The following SLC26A8 variants were observed in gnomAD, a reference collection of about 807,000 sequenced individuals.
The protein encoded by SLC26A8 is testis anion transporter 1.
In SLC26A8, 70 loss-of-function variants were observed where a neutral mutation model predicts 105.0. The ratio of observed to expected loss-of-function variants is 0.67; its 90% CI spans 0.55 to 0.81. SLC26A8 has a LOEUF of 0.81. Among genes scored for constraint, SLC26A8 ranks in the 40% least tolerant of loss-of-function variants. The pLI is 0.00. For missense variants in SLC26A8, 998 were observed against 1,181.8 expected, an observed-to-expected ratio of 0.84 and a Z score of 2.28; for synonymous variants, 415 against 438.3, an observed-to-expected ratio of 0.95 and a Z score of 0.66.
In SLC26A8 at chr6:35,961,098, G is replaced by A. The variant is rs964855171; in HGVS notation, c.1463C>T (p.Ala488Val). The change falls in exon 13 of 20, where the codon GCT becomes GTT. Residue 488 changes from alanine to valine, a missense_variant and splice_region_variant. Physicochemically the swap from Ala to Val is moderately conservative, Grantham distance 64. Transcript: ENST00000490799. ...AGATGAGAATGTCATCATCCAAAGA[G>A]CCTTATGGAAAAGGGAATGAGGGGA... ...SLWRQDQYDC[A>V]LWMMTFSSSI... 6.2e-7 allele frequency: 1 copy of A among 1,611,466 alleles called. No homozygotes were observed. Among genetic ancestry groups the A allele is most frequent in the African/African-American group, 1.3e-5 (1 of 74,840 alleles).
chr6:36,013,922 AC>A lies in SLC26A8; in HGVS notation c.189-1551del, dbSNP rs947732185. Among the ~76,000 whole-genome samples, 4 of 152,346 alleles carry A rather than the reference AC, an allele frequency of 2.6e-5. No individual in the cohort carries two copies. The South Asian group carries it at 8.3e-4, about 32-fold the overall frequency. Reference sequence around the variant, plus strand: ...AAATAAATATGACTTTACCAAGGTCACAGGAATAAGTGTGAGTAGAGATGGG... The same window carrying A: ...AAATAAATATGACTTTACCAAGGTCAAGGAATAAGTGTGAGTAGAGATGGG... On this transcript the variant is annotated intron_variant, in intron 2 of 19. Coordinates refer to ENST00000490799, the MANE Select transcript of SLC26A8 (RefSeq NM_052961.4).
chr6:35,948,212 C>T (rs367643798), intron 19 of SLC26A8, among the ~76,000 whole-genome samples: 2 of 152,226 alleles, frequency 1.3e-5, no homozygotes, highest in Non-Finnish European at 2.9e-5. Flanking sequence ...GTGAGAATGA[C>T]TTAGCAAATT....
Position 35,944,338 on chromosome 6 carries a change from ATTCT to A in SLC26A8, c.2473-2_2474del, listed in dbSNP as rs1562011213. The A allele has an allele frequency of 6.3e-7, 1 of 1,598,538 alleles. No individual in the cohort carries two copies. Among genetic ancestry groups the A allele is most frequent in the Non-Finnish European group, 8.6e-7 (1 of 1,166,788 alleles). On this transcript the variant is annotated splice_acceptor_variant and coding_sequence_variant, in exon 20 of 20. Transcript: ENST00000490799. LOFTEE classifies it high-confidence loss of function. Reference sequence around the variant, plus strand: ...TGCTCATTTTATATCTTGAATTGTCATTCTGAAATACAATTAGGTGGGTTAAAAT... The same window carrying A: ...TGCTCATTTTATATCTTGAATTGTCAGAAATACAATTAGGTGGGTTAAAAT...
chr6:36,021,386 T>C (rs918217916), intron 1 of SLC26A8, among the ~76,000 whole-genome samples: 19 of 147,682 alleles, frequency 1.3e-4, no homozygotes, highest in Non-Finnish European at 2.2e-4. Context: ...ACTTTCCCCG[T>C]ATAATTGTCC....
intron 16 of SLC26A8, 89 bp downstream of exon 16, chr6:35,959,371 A>G: frequency 2.1e-6 from 3 of 1,403,496 alleles, no homozygotes; most frequent in Non-Finnish European, 2.9e-6. Context: ...AAAATCCCTT[A>G]GAGGTTTTGA....
intron 5 of SLC26A8, among the ~76,000 whole-genome samples, chr6:35,994,767 G>A (rs530783611): frequency 6.6e-6 from 1 of 152,118 alleles, no homozygotes; most frequent in Non-Finnish European, 1.5e-5. Flanking sequence ...AGTAGAGACA[G>A]GGTTTCGCCA....
rs67198897 is a variant in SLC26A8 at position 35,966,001 on chromosome 6, C to CAA, written c.1365+2874_1365+2875dup. Among the ~76,000 whole-genome samples the CAA allele has an allele frequency of 7.3e-5, 7 of 95,648 alleles. No individual in the cohort carries two copies. The East Asian group carries it at 9.7e-4, about 13-fold the overall frequency. The allele number at this position is 95,648 out of a possible 152,430, so 62.7% of individuals were successfully genotyped here. A position where few individuals can be genotyped will look rare whatever the true frequency, so the allele number is the denominator to read the frequency against. On this transcript the variant is annotated intron_variant, in intron 11 of 19. Coordinates refer to ENST00000490799, the MANE Select transcript of SLC26A8 (RefSeq NM_052961.4). The stretch of plus-strand genomic sequence containing the variant: ...GGGCAATAGAGGGAGACTCTCATCT[C>CAA]AAAAAAAAAAAAAAAAAAGATTTTC...
intron 1 of SLC26A8, among the ~76,000 whole-genome samples, chr6:36,022,385 G>A (rs59221414): frequency 0.026 from 3,907 of 152,320 alleles, 163 homozygotes; most frequent in African/African-American, 0.089. Flanking sequence ...CTGGCTACAT[G>A]TGGCTATTTA....
At chr6:35,974,575 G>A (rs576731799) in intron 10 of SLC26A8, among the ~76,000 whole-genome samples, 145 of 152,324 alleles carry the variant, frequency 9.5e-4, no homozygotes, top group African/African-American at 3.2e-3. Context: ...ACCCTGTCAT[G>A]AAAGCCCCTT....
In SLC26A8 at chr6:36,024,635, G is replaced by A. The variant is rs974328290; in HGVS notation, c.-134C>T. On this transcript the variant is annotated 5_prime_UTR_variant, in exon 1 of 20. Coordinates refer to ENST00000490799, the MANE Select transcript of SLC26A8 (RefSeq NM_052961.4). ...GTGGCCTAGCCCGCGGGCGTTCCGG[G>A]CGGGCTGAGGAGATGAGAGTGGGGG... 9 of 384,994 alleles carry A rather than the reference G, an allele frequency of 2.3e-5. No homozygotes were observed. The highest frequency in any genetic ancestry group is 3.6e-5 in the Non-Finnish European group (7 of 192,412). 23.8% of individuals were successfully genotyped at this position (384,994 alleles called of 1,614,324 possible). A position where few individuals can be genotyped will look rare whatever the true frequency, so the allele number is the denominator to read the frequency against.
chr6:35,968,609 G>GAATA (rs1562030743), intron 11 of SLC26A8, among the ~76,000 whole-genome samples: 1 of 60,072 alleles, frequency 1.7e-5, no homozygotes, highest in African/African-American at 5.2e-5. Flanking sequence ...GTGTGTGTGT[G>GAATA]TATATATATA....
chr6:36,017,676 T>C (rs1013703266), intron 2 of SLC26A8, among the ~76,000 whole-genome samples: 6 of 152,046 alleles, frequency 3.9e-5, no homozygotes, highest in African/African-American at 1.4e-4. Context: ...AAAACTTTTC[T>C]ACATCAAAGG....
intron 5 of SLC26A8, among the ~76,000 whole-genome samples, chr6:35,996,818 C>T (rs976088155): frequency 6.6e-5 from 10 of 151,916 alleles, no homozygotes; most frequent in Admixed American, 3.9e-4. Context: ...GTGGATCACC[C>T]GAGGTCAGGA....
chr6:35,969,568 A>T (rs1384182139), intron 10 of SLC26A8: 1 of 152,082 alleles, frequency 6.6e-6, no homozygotes, highest in African/African-American at 2.4e-5. Flanking sequence ...ACTGCACTCC[A>T]GCCTGGCGAC....
chr6:35,971,212 C>T (rs191952581), intron 10 of SLC26A8, among the ~76,000 whole-genome samples: 2 of 152,162 alleles, frequency 1.3e-5, no homozygotes, highest in South Asian at 2.1e-4. Context: ...TGTGGCATTG[C>T]GCCTCAGGAA....
chr6:35,977,458 T>A, intron 8 of SLC26A8, 107 bp from the exon 9 acceptor site: 8 of 1,103,578 alleles, frequency 7.2e-6, no homozygotes, highest in Non-Finnish European at 9.9e-6. Flanking sequence ...TTTTTTTTTT[T>A]AATAACAATA....
At chr6:35,956,456 T>C (rs1201256784) in intron 16 of SLC26A8, among the ~76,000 whole-genome samples, 2 of 148,410 alleles carry the variant, frequency 1.3e-5, no homozygotes, top group Non-Finnish European at 3.0e-5. Context: ...AAAAATTACA[T>C]GAGCAAGGCT....
At position 36,017,168 on chromosome 6, in the gene SLC26A8, C is replaced by T. The variant is rs561124735; in HGVS notation, c.188+2352G>A. 2.2e-5 allele frequency among the ~76,000 whole-genome samples: 3 copies of T among 135,202 alleles called. No individual in the cohort carries two copies. The South Asian group carries it at 7.3e-4, about 33-fold the overall frequency. The allele number at this position is 135,202 out of a possible 152,430, so 88.7% of individuals were successfully genotyped here. A position where few individuals can be genotyped will look rare whatever the true frequency, so the allele number is the denominator to read the frequency against. ...CCTGGGTGACAGTGAGACTTTGCCT[C>T]AAAAAGAAAGAAAGAAGGAAAGAAG... On this transcript the variant is annotated intron_variant, in intron 2 of 19. Coordinates refer to ENST00000490799, the MANE Select transcript of SLC26A8 (RefSeq NM_052961.4).
rs868473796 is a variant in SLC26A8, at chr6:35,962,547, C to G, written c.1440G>C (p.Trp480Cys). ...LETISNLPSL[W>C]RQDQYDCALW... ...TCACACAGTCATATTGGTCCTGCCT[C>G]CACAGGCTGGGTAGGTTAGAAATGG... is the stretch of plus-strand genomic sequence containing the variant. Residue 480 changes from tryptophan (W) to cysteine (C), a missense_variant, in exon 12 of 20, where the codon TGG becomes TGC. Trp to Cys is a radical substitution (Grantham distance 215). Transcript: ENST00000490799. The G allele has an allele frequency of 1.2e-6, 2 of 1,613,972 alleles. No homozygotes were observed. The highest frequency in any genetic ancestry group is 1.7e-5 in the Admixed American group (1 of 59,984).
Sources: gnomAD v4.1 joint callset for allele counts (sites outside exome capture counted in the v4.1 genomes callset) on GRCh38, gnomAD v4.1.1 for gene constraint, MANE v1.5 for transcripts, NCBI Gene and HGNC (gene_info 2026-07-23, HGNC 2026-07-21) for gene names.